The following LIMA1 variants were observed in gnomAD, a reference collection of about 807,000 sequenced individuals.
LIMA1 encodes LIM domain and actin-binding protein 1.
A neutral mutation model predicts 62.6 loss-of-function variants in LIMA1; 52 were observed. The ratio of observed to expected loss-of-function variants is 0.83; its 90% CI spans 0.67 to 1.05. The LOEUF is 1.05. LIMA1 is among the 50% of genes least tolerant of loss of function. LIMA1 has a pLI of 0.00. For synonymous variants in LIMA1, 302 were observed against 317.8 expected (o/e 0.95, Z 0.53); for missense variants, 780 against 902.2 (o/e 0.86, Z 1.74).
At chr12:50,213,124 C>T (rs1941286857) in intron 4 of LIMA1, among the ~76,000 whole-genome samples, 1 of 152,204 alleles carries the variant, frequency 6.6e-6, no homozygotes, top group South Asian at 2.1e-4. Flanking sequence ...GCCACCACGC[C>T]AGGTCCCAAA....
rs1192004746 is a variant in LIMA1 at position 50,175,826 on chromosome 12, T to G, written c.*1238A>C. On this transcript the variant is annotated 3_prime_UTR_variant, in exon 11 of 11. Coordinates refer to ENST00000341247, the MANE Select transcript of LIMA1 (RefSeq NM_016357.5). ...TAAAATCTTTATTGAATAAAAATGT[T>G]TCAGACTAGGTAAGACTAAGAAAGC... 6.6e-6 allele frequency: 1 copy of G among 152,192 alleles called. No individual in the cohort carries two copies. Among genetic ancestry groups the G allele is most frequent in the Non-Finnish European group, 1.5e-5 (1 of 68,032 alleles). 9.4% of individuals were successfully genotyped at this position (152,192 alleles called of 1,614,324 possible).
intron 1 of LIMA1, among the ~76,000 whole-genome samples, chr12:50,258,639 CTTTTTTTTTT>C (rs34324226): frequency 1.2e-4 from 8 of 67,406 alleles, no homozygotes; most frequent in Admixed American, 1.6e-4. Flanking sequence ...TCTACCTATA[CTTTTTTTTTT>C]TTTTTTTTTT....
intron 1 of LIMA1, among the ~76,000 whole-genome samples, chr12:50,261,040 A>ATTTTTTTTTTTTTTTTT (rs1394809506): frequency 2.0e-5 from 1 of 48,896 alleles, no homozygotes; most frequent in Non-Finnish European, 3.4e-5. Context: ...GCCATCTAGT[A>ATTTTTTTTTTTTTTTTT]TATTTTTTTT....
At chr12:50,190,349 AGT>A (rs1452156897) in intron 9 of LIMA1, 3 of 150,484 alleles carry the variant, frequency 2.0e-5, no homozygotes, top group Non-Finnish European at 4.4e-5. Context: ...CCTTAGTATA[AGT>A]GTTGCTTGAA....
At position 50,195,891 on chromosome 12, in the gene LIMA1, CAAA is replaced by C. The variant is rs373254884; in HGVS notation, c.973-7_973-5del. On this transcript the variant is annotated splice_polypyrimidine_tract_variant and splice_region_variant and intron_variant, in intron 7 of 10. Transcript: ENST00000341247. ...GGCTATTCTCATTTGCAGAAATCTA[CAAA>C]AAAAAAAAAAAAAAAAAAGTTAGAG... 5.4e-3 allele frequency: 5,864 copies of C among 1,086,066 alleles called. 12 individuals are homozygous for C. The African/African-American group carries it at 0.063, about 12-fold the overall frequency. The allele number at this position is 1,086,066 out of a possible 1,614,324, so 67.3% of individuals were successfully genotyped here.
intron 2 of LIMA1, among the ~76,000 whole-genome samples, chr12:50,244,089 G>A (rs1350028753): frequency 6.9e-6 from 1 of 144,810 alleles, no homozygotes; most frequent in Non-Finnish European, 1.5e-5. Context: ...CTAAATTTTT[G>A]TATTTTTTTG....
intron 8 of LIMA1, among the ~76,000 whole-genome samples, chr12:50,195,323 T>C (rs778605320): frequency 2.0e-5 from 3 of 152,010 alleles, no homozygotes; most frequent in Admixed American, 1.3e-4. Context: ...GACTCCAAAA[T>C]AGGATGACAG....
Position 50,177,721 on chromosome 12 carries a change from T to C in LIMA1, c.1623A>G (p.Ser541=). The change falls in exon 11 of 11, where the codon TCA becomes TCG. Residue 541 remains serine, a synonymous_variant. Coordinates refer to ENST00000341247, the MANE Select transcript of LIMA1 (RefSeq NM_016357.5). ...TGATCCCTTCCTCCAAGGCACTTCC[T>C]GAACTTCCAAGTTCAGTGGGGGGTG... is the stretch of plus-strand genomic sequence containing the variant. ...AWPPPTELGS[S]GSALEEGIKM... 1 of 1,613,454 alleles carries C rather than the reference T, an allele frequency of 6.2e-7. No homozygotes were observed. Among genetic ancestry groups the C allele is most frequent in the Non-Finnish European group, 8.5e-7 (1 of 1,179,808 alleles).
intron 1 of LIMA1, among the ~76,000 whole-genome samples, chr12:50,264,818 A>G (rs1469208279): frequency 6.6e-6 from 1 of 152,180 alleles, no homozygotes; most frequent in Non-Finnish European, 1.5e-5. Context: ...TTTATGTGTC[A>G]TATTGACTTA....
intron 9 of LIMA1, chr12:50,185,585 T>G (rs1168450367): frequency 2.4e-6 from 1 of 425,020 alleles, no homozygotes; most frequent in African/African-American, 2.0e-5. Flanking sequence ...CCTTTTTAAG[T>G]AACTCTGCTA....
chr12:50,223,883 C>CA (rs1159974533), intron 3 of LIMA1, among the ~76,000 whole-genome samples: 1 of 151,920 alleles, frequency 6.6e-6, no homozygotes, highest in Admixed American at 6.6e-5. Context: ...ACTAAAAATA[C>CA]AAAAAATAGC....
chr12:50,202,607 C>G (rs745672127), intron 6 of LIMA1, among the ~76,000 whole-genome samples: 36 of 152,202 alleles, frequency 2.4e-4, no homozygotes, highest in Non-Finnish European at 4.1e-4. Flanking sequence ...TGATACTCCA[C>G]TTTGCTAATT....
chr12:50,248,923 A>C (rs1434341750), intron 1 of LIMA1, 149 bp from the exon 2 acceptor site: 1 of 562,864 alleles, frequency 1.8e-6, no homozygotes, highest in Non-Finnish European at 3.2e-6. Context: ...CAAATGATCC[A>C]ATATCTTTGG....
chr12:50,199,996 C>T (rs1283131474), intron 7 of LIMA1, among the ~76,000 whole-genome samples: 1 of 151,798 alleles, frequency 6.6e-6, no homozygotes, highest in East Asian at 1.9e-4. Flanking sequence ...TGGGTTCAAG[C>T]GATTCAACTG....
intron 4 of LIMA1, among the ~76,000 whole-genome samples, chr12:50,221,776 C>G (rs1453402214): frequency 6.6e-6 from 1 of 152,022 alleles, no homozygotes; most frequent in Non-Finnish European, 1.5e-5. Context: ...GTATTAAACT[C>G]TCTTCATTTC....
At chr12:50,280,632 T>C (rs1298180407) in intron 1 of LIMA1, among the ~76,000 whole-genome samples, 1 of 152,212 alleles carries the variant, frequency 6.6e-6, no homozygotes, top group Non-Finnish European at 1.5e-5. Flanking sequence ...AACTCCATCC[T>C]TTTTATGAAA....
rs71441354 is a variant in LIMA1 at position 50,280,144 on chromosome 12, A to ATTTTTTTTTTTT, written c.-24+3264_-24+3275dup. On this transcript the variant is annotated intron_variant, in intron 1 of 10. Transcript: ENST00000341247. ...AAGTTCTTAGTTTCAGGGTAGTAGT[A>ATTTTTTTTTTTT]TTTTTTTTTTTTTTTTTTTTTTTTT... Among the ~76,000 whole-genome samples, 9 of 68,266 alleles carry ATTTTTTTTTTTT rather than the reference A, an allele frequency of 1.3e-4. 1 individual carries two copies. Among genetic ancestry groups the ATTTTTTTTTTTT allele is most frequent in the African/African-American group, 3.0e-4 (5 of 16,574 alleles). 44.8% of individuals were successfully genotyped at this position (68,266 alleles called of 152,430 possible). A position where few individuals can be genotyped will look rare whatever the true frequency, so the allele number is the denominator to read the frequency against.
chr12:50,263,281 G>A (rs765624703), intron 1 of LIMA1, among the ~76,000 whole-genome samples: 10 of 152,124 alleles, frequency 6.6e-5, no homozygotes, highest in Non-Finnish European at 1.5e-4. Context: ...GTTAAAGCAG[G>A]GAGCCAACAG....
chr12:50,205,908 G>T, intron 5 of LIMA1, 76 bp downstream of exon 5: 3 of 1,008,054 alleles, frequency 3.0e-6, no homozygotes, highest in Non-Finnish European at 4.4e-6. Flanking sequence ...TAAAAGCATT[G>T]GCTTCGAGTC....
Sources: gnomAD v4.1 joint callset for allele counts (sites outside exome capture counted in the v4.1 genomes callset) on GRCh38, gnomAD v4.1.1 for gene constraint, MANE v1.5 for transcripts, NCBI Gene and HGNC (gene_info 2026-07-23, HGNC 2026-07-21) for gene names.